Variants in LIN7A observed in about 807,000 individuals in gnomAD.
LIN7A encodes lin-7 cell polarity scaffold A.
LIN7A carries 25 observed loss-of-function variants against 29.8 expected under a neutral mutation model. The observed-to-expected ratio is 0.84, with a 90% CI of 0.61 to 1.17. The LOEUF is 1.17. Among genes scored for constraint, LIN7A ranks in the 50% most tolerant of loss-of-function variants. The probability of loss-of-function intolerance (pLI) is 0.00; values close to 1 mark genes in which losing one functional copy is unlikely to be tolerated. For missense variants in LIN7A, 239 were observed against 287.0 expected (o/e 0.83, Z 1.21); for synonymous variants, 118 against 107.5 (o/e 1.10, Z -0.60).
At chr12:80,880,784 CACAG>C (rs1342407376) in intron 2 of LIN7A, among the ~76,000 whole-genome samples, 4 of 151,734 alleles carry the variant, frequency 2.6e-5, no homozygotes, top group Middle Eastern at 3.2e-3. Context: ...CATACACACA[CACAG>C]ACACACACAC....
intron 1 of LIN7A, among the ~76,000 whole-genome samples, chr12:80,905,743 T>G (rs1876444813): frequency 6.6e-6 from 1 of 152,206 alleles, no homozygotes; most frequent in Non-Finnish European, 1.5e-5. Flanking sequence ...CTTTCACATT[T>G]AATTTTGGCT....
At chr12:80,900,010 G>T (rs1876127523) in intron 1 of LIN7A, among the ~76,000 whole-genome samples, 1 of 151,694 alleles carries the variant, frequency 6.6e-6, no homozygotes, top group Non-Finnish European at 1.5e-5. Context: ...CTCGTGATCT[G>T]CCCGCCTCGG....
intron 2 of LIN7A, among the ~76,000 whole-genome samples, chr12:80,878,617 G>T (rs925476883): frequency 6.6e-6 from 1 of 152,170 alleles, no homozygotes; most frequent in African/African-American, 2.4e-5. Context: ...GATCTGAGCG[G>T]GTTGCTGCTG....
chr12:80,889,286 C>G lies in LIN7A; in HGVS notation c.166G>C (p.Val56Leu). ...GCTGTACAAAACTCACTCTGAAGCA[C>G]TTTTTTGAGGGATTGTAGCTTGTGC... ...PVHKLQSLKKVLQSEFCTAIR... is the reference protein window; with the variant it reads ...PVHKLQSLKKLLQSEFCTAIR... The change falls in exon 2 of 6, where the codon GTG (valine) becomes CTG (leucine). Residue 56 changes from valine (V) to leucine (L), a missense_variant. By Grantham distance (32) the Val-to-Leu change is conservative. Coordinates refer to ENST00000552864, the MANE Select transcript of LIN7A (RefSeq NM_004664.4). 6.2e-7 allele frequency: 1 copy of G among 1,612,576 alleles called. No homozygotes were observed. The highest frequency in any genetic ancestry group is 1.7e-4 in the Middle Eastern group (1 of 6,052).
At chr12:80,894,072 G>T (rs1029561950) in intron 1 of LIN7A, among the ~76,000 whole-genome samples, 1 of 152,156 alleles carries the variant, frequency 6.6e-6, no homozygotes, top group Non-Finnish European at 1.5e-5. Context: ...AAACCTGCAA[G>T]GCTAGGTTCC....
intron 1 of LIN7A, among the ~76,000 whole-genome samples, chr12:80,902,784 G>A (rs1350115326): frequency 2.0e-5 from 3 of 151,848 alleles, no homozygotes; most frequent in African/African-American, 7.2e-5. Flanking sequence ...GATTTTCTAG[G>A]TATAGAATCA....
intron 2 of LIN7A, among the ~76,000 whole-genome samples, chr12:80,851,099 C>T (rs1873309625): frequency 6.6e-6 from 1 of 152,092 alleles, no homozygotes; most frequent in South Asian, 2.1e-4. Context: ...ATTAAAACAG[C>T]ATCAGATCAT....
chr12:80,863,292 T>G (rs1022858096), intron 2 of LIN7A, among the ~76,000 whole-genome samples: 2 of 152,242 alleles, frequency 1.3e-5, no homozygotes, highest in African/African-American at 4.8e-5. Context: ...TCTTGTAGAT[T>G]AAACTAGATA....
chr12:80,890,947 G>C (rs1875591064), intron 1 of LIN7A, among the ~76,000 whole-genome samples: 1 of 151,842 alleles, frequency 6.6e-6, no homozygotes, highest in Non-Finnish European at 1.5e-5. Flanking sequence ...TGGATGCATG[G>C]AACTCTCAGA....
intron 2 of LIN7A, among the ~76,000 whole-genome samples, chr12:80,882,713 C>G (rs1005879478): frequency 1.3e-5 from 2 of 152,184 alleles, no homozygotes; most frequent in African/African-American, 2.4e-5. Context: ...AGCTTTTTAT[C>G]ACTTAATCCA....
At chr12:80,898,272 A>T (rs559715870) in intron 1 of LIN7A, among the ~76,000 whole-genome samples, 24 of 152,024 alleles carry the variant, frequency 1.6e-4, no homozygotes, top group Non-Finnish European at 2.9e-4. Context: ...TGAAGATCAG[A>T]TGGTTGTTGG....
intron 2 of LIN7A, among the ~76,000 whole-genome samples, chr12:80,885,950 G>T (rs1265253083): frequency 2.0e-5 from 3 of 152,028 alleles, no homozygotes; most frequent in Admixed American, 6.6e-5. Context: ...TTTGGCAAAA[G>T]CTTGTCCTGC....
At chr12:80,866,611 C>T (rs1022015564) in intron 2 of LIN7A, among the ~76,000 whole-genome samples, 12 of 152,116 alleles carry the variant, frequency 7.9e-5, no homozygotes, top group Non-Finnish European at 1.6e-4. Flanking sequence ...GCTCCCACCC[C>T]AACATTCTGA....
intron 2 of LIN7A, among the ~76,000 whole-genome samples, chr12:80,884,692 T>C (rs1875237867): frequency 6.6e-6 from 1 of 152,210 alleles, no homozygotes; most frequent in Non-Finnish European, 1.5e-5. Flanking sequence ...TGAAATCCTA[T>C]TATCACAAAA....
intron 2 of LIN7A, among the ~76,000 whole-genome samples, chr12:80,875,446 A>G (rs922215096): frequency 6.6e-6 from 1 of 152,212 alleles, no homozygotes; most frequent in African/African-American, 2.4e-5. Flanking sequence ...CACGAAACTC[A>G]TGTGTTACAT....
intron 5 of LIN7A, among the ~76,000 whole-genome samples, chr12:80,810,332 T>A (rs774804745): frequency 5.3e-5 from 8 of 151,950 alleles, no homozygotes; most frequent in Non-Finnish European, 1.2e-4. Flanking sequence ...TCTAGGCCCA[T>A]CCACGCTGAC....
chr12:80,821,925 A>C (rs530848827), intron 4 of LIN7A, among the ~76,000 whole-genome samples: 54 of 152,292 alleles, frequency 3.5e-4, no homozygotes, highest in Admixed American at 3.0e-3. Flanking sequence ...AAGTGCAGGC[A>C]CTGTTGCAAC....
At chr12:80,910,421 AG>A (rs1876696124) in intron 1 of LIN7A, among the ~76,000 whole-genome samples, 2 of 152,182 alleles carry the variant, frequency 1.3e-5, no homozygotes, top group Non-Finnish European at 2.9e-5. Flanking sequence ...AATGCTAAGT[AG>A]AAGTGATGAG....
chr12:80,819,119 C>T (rs1871676465), intron 4 of LIN7A, among the ~76,000 whole-genome samples: 1 of 152,166 alleles, frequency 6.6e-6, no homozygotes, highest in African/African-American at 2.4e-5. Flanking sequence ...TGAGACATCA[C>T]ATTCACATAA....
Sources: allele counts gnomAD v4.1 joint callset (sites outside exome capture counted in the v4.1 genomes callset), GRCh38; gene constraint gnomAD v4.1.1; transcripts MANE v1.5; gene names NCBI Gene and HGNC (gene_info 2026-07-23, HGNC 2026-07-21).